The following IL17RE variants were observed in gnomAD, a reference collection of about 807,000 sequenced individuals.
IL17RE encodes the protein interleukin-17 receptor E.
Under a neutral mutation model 70.7 loss-of-function variants are expected in IL17RE, and 47 were observed. The ratio of observed to expected loss-of-function variants is 0.67; its 90% CI spans 0.53 to 0.85. The LOEUF is 0.85. Ranked by LOEUF, IL17RE falls within the 40% of genes least tolerant of loss-of-function variation. IL17RE has a pLI of 0.00. For synonymous variants in IL17RE, 372 were observed against 381.2 expected (o/e 0.98, Z 0.28); for missense variants, 850 against 893.9 (o/e 0.95, Z 0.63).
At chr3:9,908,367 G>A (rs1046730370) in intron 7 of IL17RE, 60 bp downstream of exon 7, 49 of 1,449,798 alleles carry the variant, frequency 3.4e-5, no homozygotes, top group Middle Eastern at 2.1e-4. Flanking sequence ...CCAAGGTAGC[G>A]CAGTTGGTCA....
chr3:9,903,903 A>G (rs1224216645), intron 2 of IL17RE, 129 bp from the exon 3 acceptor site: 1 of 1,110,560 alleles, frequency 9.0e-7, no homozygotes, highest in Non-Finnish European at 1.3e-6. Flanking sequence ...TCTGATCCTT[A>G]GACAGGTCCT....
intron 3 of IL17RE, among the ~76,000 whole-genome samples, chr3:9,905,039 G>A (rs1170314152): frequency 7.5e-6 from 1 of 132,946 alleles, no homozygotes; most frequent in East Asian, 2.2e-4. Context: ...AGGTTGCAGT[G>A]AGTTAAGATA....
intron 8 of IL17RE, among the ~76,000 whole-genome samples, chr3:9,910,639 T>G (rs2082868656): frequency 6.6e-6 from 1 of 151,812 alleles, no homozygotes; most frequent in Non-Finnish European, 1.5e-5. Context: ...GAGCTGAGAT[T>G]GCACCACTGC....
At chr3:9,909,336 G>A in intron 8 of IL17RE, 53 bp downstream of exon 8, 2 of 1,427,114 alleles carry the variant, frequency 1.4e-6, no homozygotes, top group East Asian at 2.3e-5. Flanking sequence ...TTCTCTTTCT[G>A]TCTCCTACAC....
In IL17RE at chr3:9,915,851, A is replaced by G. The variant is rs772257624; in HGVS notation, c.*44A>G. 4.8e-6 allele frequency: 7 copies of G among 1,458,954 alleles called. No homozygotes were observed. In the East Asian group the frequency reaches 8.1e-5, roughly 17 times the overall value. 90.4% of individuals were successfully genotyped at this position (1,458,954 alleles called of 1,614,324 possible). A position where few individuals can be genotyped will look rare whatever the true frequency, so the allele number is the denominator to read the frequency against. ...CCCGGGTGTCTGCGGCCGCAACGCA[A>G]CGGACACTGGCTGGAACCCCGGAAT... On this transcript the variant is annotated 3_prime_UTR_variant, in exon 16 of 16. Transcript: ENST00000383814. This position sits in a 1 kb window ranked among gnomAD's most constrained non-coding sequence, Gnocchi z 4.9.
At position 9,902,882 on chromosome 3, in the gene IL17RE, A is replaced by G. The variant is rs2082667460; in HGVS notation, c.-51A>G. On this transcript the variant is annotated 5_prime_UTR_variant, in exon 1 of 16. Coordinates refer to ENST00000383814, the MANE Select transcript of IL17RE (RefSeq NM_153480.2). ...GCTGCACAGCAAGGCCCTGCCACCC[A>G]CCTTCAGGCCATGCAGCCATGTTCC... The G allele has an allele frequency of 6.2e-7, 1 of 1,613,824 alleles. No individual in the cohort carries two copies. Among genetic ancestry groups the G allele is most frequent in the East Asian group, 2.2e-5 (1 of 44,878 alleles).
At chr3:9,906,288 A>G (rs56111233) in intron 3 of IL17RE, 76 bp from the exon 4 acceptor site, 1 of 675,848 alleles carries the variant, frequency 1.5e-6, no homozygotes, top group Middle Eastern at 3.2e-4. Flanking sequence ...AAAATTACTT[A>G]CTAACACTGG....
intron 8 of IL17RE, 92 bp downstream of exon 8, chr3:9,909,375 C>CA: frequency 2.0e-6 from 2 of 1,023,958 alleles, no homozygotes; most frequent in South Asian, 1.4e-5. Flanking sequence ...ACACACACAC[C>CA]CCGCACTTCA....
Position 9,915,248 on chromosome 3 carries a change from C to A in IL17RE, c.1448-3C>A. ...GCCTTCATCTGTTGCTTCCCGCCAC[C>A]AGGCCCGGGCCCAGCGCGGCCAGTG... On this transcript the variant is annotated splice_region_variant and splice_polypyrimidine_tract_variant and intron_variant, in intron 15 of 15. Coordinates refer to ENST00000383814, the MANE Select transcript of IL17RE (RefSeq NM_153480.2). The surrounding 1 kb of genome is among the most constrained non-coding windows in gnomAD (Gnocchi z 4.9). 1 of 1,383,194 alleles carries A rather than the reference C, an allele frequency of 7.2e-7. No individual in the cohort carries two copies. The allele number at this position is 1,383,194 out of a possible 1,614,324, so 85.7% of individuals were successfully genotyped here. A position where few individuals can be genotyped will look rare whatever the true frequency, so the allele number is the denominator to read the frequency against.
chr3:9,914,472 C>G lies in IL17RE; in HGVS notation c.1297-76C>G, dbSNP rs749558517. ...AGCCAGTGGGGACTCCCCTCTCCCC[C>G]AGCTCCATGCTTCACTCAGCTCCCC... On this transcript the variant is annotated intron_variant, in intron 13 of 15. Transcript: ENST00000383814. The G allele has an allele frequency of 3.0e-5, 47 of 1,592,824 alleles. No homozygotes were observed. Among genetic ancestry groups the G allele is most frequent in the Non-Finnish European group, 3.2e-5 (38 of 1,171,124 alleles).
intron 6 of IL17RE, among the ~76,000 whole-genome samples, chr3:9,907,403 T>C (rs957764085): frequency 7.3e-5 from 11 of 151,572 alleles, no homozygotes; most frequent in African/African-American, 2.7e-4. Flanking sequence ...ATTAATTAAT[T>C]AATTAAATTA....
intron 2 of IL17RE, 27 bp from the exon 3 acceptor site, chr3:9,904,005 A>G (rs1452984747): frequency 6.2e-7 from 1 of 1,613,550 alleles, no homozygotes; most frequent in Non-Finnish European, 8.5e-7. Flanking sequence ...AGACCCTATC[A>G]TTTGCTTTCC....
intron 3 of IL17RE, 152 bp downstream of exon 3, chr3:9,904,303 G>T: frequency 1.4e-6 from 1 of 740,624 alleles, no homozygotes; most frequent in Non-Finnish European, 2.1e-6. Flanking sequence ...CGCTATGACT[G>T]ATATTCACAA....
At chr3:9,902,449 C>T (rs74442656), upstream of IL17RE, among the ~76,000 whole-genome samples, 4,872 of 152,246 alleles carry the variant, frequency 0.032, 95 homozygotes, top group African/African-American at 0.037. Flanking sequence ...AATGGTGCCT[C>T]AGTCACCTCT....
Position 9,903,006 on chromosome 3 carries a change from G to C in IL17RE, c.74G>C (p.Gly25Ala). ...GTCATCGACCTCTCTGACTCTGCTG[G>C]GATTGGCTTTCGCCACCTGCCCCAC... The part of the protein sequence containing the change: ...LIVIDLSDSA[G>A]IGFRHLPHWN... Residue 25 changes from glycine (G) to alanine (A), a missense_variant, in exon 1 of 16, where the codon GGG (glycine) becomes GCG (alanine). Transcript: ENST00000383814. The C allele has an allele frequency of 6.2e-7, 1 of 1,614,194 alleles. No individual in the cohort carries two copies. The highest frequency in any genetic ancestry group is 8.5e-7 in the Non-Finnish European group (1 of 1,180,026).
chr3:9,903,063 C>T lies in IL17RE; in HGVS notation c.131C>T (p.Thr44Met), dbSNP rs764754231. Residue 44 changes from threonine (T) to methionine (M), a missense_variant and splice_region_variant, in exon 1 of 16, where the codon ACG (threonine) becomes ATG (methionine). By Grantham distance (81) the Thr-to-Met change is moderately conservative. Transcript: ENST00000383814. ...WNTRCPLASH[T>M]DDSFTGSSAY... The stretch of plus-strand genomic sequence containing the variant: ...ACCCGCTGTCCTCTGGCCTCCCACA[C>T]GGTAAGGTGCTGCTGCCAGGTAGGG... 50 of 1,612,980 alleles carry T rather than the reference C, an allele frequency of 3.1e-5. No individual in the cohort carries two copies. In the East Asian group the frequency reaches 3.6e-4, roughly 12 times the overall value.
intron 8 of IL17RE, chr3:9,909,702 GGCTGGTGATGTCTGAAGT>G (rs2082846298): frequency 5.7e-6 from 1 of 175,834 alleles, no homozygotes; most frequent in African/African-American, 2.4e-5. Context: ...ATATGAAAGT[GGCTGGTGATGTCTGAAGT>G]GCTGTATGCA....
Position 9,903,921 on chromosome 3 carries a change from C to T in IL17RE, c.149-111C>T, listed in dbSNP as rs916219757. 2.2e-5 allele frequency: 30 copies of T among 1,370,572 alleles called. No homozygotes were observed. The Admixed American group carries it at 3.5e-4, about 16-fold the overall frequency. 84.9% of individuals were successfully genotyped at this position (1,370,572 alleles called of 1,614,324 possible). On this transcript the variant is annotated intron_variant, in intron 2 of 15. Coordinates refer to ENST00000383814, the MANE Select transcript of IL17RE (RefSeq NM_153480.2). ...GATCCTTAGACAGGTCCTGTAACCCCCAAAGTCATACTTCCAGGATGTGAC... is the reference window on the plus strand; with the variant it reads ...GATCCTTAGACAGGTCCTGTAACCCTCAAAGTCATACTTCCAGGATGTGAC...
At chr3:9,914,284 T>C in intron 13 of IL17RE, 1 of 817,832 alleles carries the variant, frequency 1.2e-6, no homozygotes, top group Non-Finnish European at 1.9e-6. Context: ...TCTGATTGTT[T>C]CAGTCAGGGC....
Sources: gnomAD v4.1 joint callset for allele counts (sites outside exome capture counted in the v4.1 genomes callset) on GRCh38, gnomAD v4.1.1 for gene constraint, Gnocchi (gnomAD v3.1) non-coding constraint, MANE v1.5 for transcripts, NCBI Gene and HGNC (gene_info 2026-07-23, HGNC 2026-07-21) for gene names.